VIPAS39: variants seen among roughly 807,000 people sequenced by gnomAD.
The protein encoded by VIPAS39 is spermatogenesis-defective protein 39 homolog.
In VIPAS39, 63 loss-of-function variants were observed where a neutral mutation model predicts 84.7. The observed-to-expected ratio is 0.74, with a 90% confidence interval of 0.61 to 0.92. The LOEUF is 0.92. Among genes scored for constraint, VIPAS39 ranks in the 40% least tolerant of loss-of-function variants. The pLI, the probability that VIPAS39 is intolerant of heterozygous loss-of-function variation, is 0.00. For missense variants in VIPAS39, 499 were observed against 604.5 expected (o/e 0.83, Z 1.83); for synonymous variants, 192 against 216.5 (o/e 0.89, Z 0.99).
At chr14:77,445,687 C>T (rs2078777073) in intron 7 of VIPAS39, among the ~76,000 whole-genome samples, 1 of 151,986 alleles carries the variant, frequency 6.6e-6, no homozygotes, top group South Asian at 2.1e-4. Flanking sequence ...GCATATAATC[C>T]CAGCACTTTG....
chr14:77,451,549 A>G (rs1035068860), intron 3 of VIPAS39, among the ~76,000 whole-genome samples: 2 of 152,184 alleles, frequency 1.3e-5, no homozygotes, highest in Non-Finnish European at 2.9e-5. Context: ...GCTCTTCAAC[A>G]TATGAAAAGA....
rs1236410561 is a variant in VIPAS39 at position 77,449,676 on chromosome 14, C to T, written c.382+38G>A. On this transcript the variant is annotated intron_variant, in intron 5 of 19. Coordinates refer to ENST00000557658, the MANE Select transcript of VIPAS39 (RefSeq NM_001193315.2). ...TCCCCAGACTGTACCAGATCAGTAACATTTCCCACAGCAATTAAAAGAGGG... is the reference window on the plus strand; with the variant it reads ...TCCCCAGACTGTACCAGATCAGTAATATTTCCCACAGCAATTAAAAGAGGG... 3.7e-6 allele frequency: 6 copies of T among 1,613,664 alleles called. No homozygotes were observed. The South Asian group carries it at 6.6e-5, about 18-fold the overall frequency.
In VIPAS39 at chr14:77,427,639, G is replaced by C; in HGVS notation, c.1462-3C>G. The C allele has an allele frequency of 6.2e-7, 1 of 1,614,208 alleles. No homozygotes were observed. On this transcript the variant is annotated splice_polypyrimidine_tract_variant and splice_region_variant and intron_variant, in intron 19 of 19. Transcript: ENST00000557658. The stretch of plus-strand genomic sequence containing the variant: ...ACTTAATTCTTCCATCGAATTTGCT[G>C]TGGAAAGAGGAAACAATGAAAGTGT...
At position 77,445,532 on chromosome 14, in the gene VIPAS39, C is replaced by T. The variant is rs117092756; in HGVS notation, c.505-1191G>A. Among the ~76,000 whole-genome samples the T allele has an allele frequency of 5.3e-4, 80 of 152,174 alleles. 1 individual carries two copies. In the East Asian group the frequency reaches 0.015, roughly 28 times the overall value. Reference sequence around the variant, plus strand: ...CGACTTCCTGGGCTCAAGCAATCCTCCCACCTCAAGCCTCCTGAGTAGCTG... The same window carrying T: ...CGACTTCCTGGGCTCAAGCAATCCTTCCACCTCAAGCCTCCTGAGTAGCTG... On this transcript the variant is annotated intron_variant, in intron 7 of 19. Coordinates refer to ENST00000557658, the MANE Select transcript of VIPAS39 (RefSeq NM_001193315.2).
At chr14:77,450,945 G>C (rs2078871728) in intron 4 of VIPAS39, among the ~76,000 whole-genome samples, 1 of 152,094 alleles carries the variant, frequency 6.6e-6, no homozygotes, top group Non-Finnish European at 1.5e-5. Context: ...TTTGATCTAG[G>C]CAAATTTTTT....
intron 1 of VIPAS39, chr14:77,457,221 G>C (rs2078973522): frequency 2.6e-6 from 4 of 1,523,234 alleles, no homozygotes; most frequent in East Asian, 2.4e-5. Context: ...GGAAGCCATG[G>C]ATCTACCGCA....
At chr14:77,434,712 G>A (rs1461385023) in intron 14 of VIPAS39, among the ~76,000 whole-genome samples, 1 of 151,298 alleles carries the variant, frequency 6.6e-6, no homozygotes, top group Non-Finnish European at 1.5e-5. Context: ...CCAACATGGT[G>A]AAACCCTGTC....
At chr14:77,429,625 C>A (rs1033952368) in intron 17 of VIPAS39, 56 bp downstream of exon 17, 1 of 1,572,066 alleles carries the variant, frequency 6.4e-7, no homozygotes, top group African/African-American at 1.4e-5. Context: ...CAGTAAGAGG[C>A]TTAAAGTTAG....
chr14:77,429,800 G>A, intron 16 of VIPAS39, 33 bp from the exon 17 acceptor site: 2 of 1,577,284 alleles, frequency 1.3e-6, no homozygotes, highest in East Asian at 2.2e-5. Flanking sequence ...CGGCAGGTAG[G>A]CCAGGCACAC....
At chr14:77,448,888 AAG>A (rs2078839813) in intron 6 of VIPAS39, among the ~76,000 whole-genome samples, 1 of 152,168 alleles carries the variant, frequency 6.6e-6, no homozygotes, top group Non-Finnish European at 1.5e-5. Flanking sequence ...AACAGAAGGA[AAG>A]AGAGAGATGT....
intron 7 of VIPAS39, 89 bp from the exon 8 acceptor site, chr14:77,444,430 A>G: frequency 2.5e-6 from 3 of 1,189,472 alleles, no homozygotes; most frequent in Non-Finnish European, 3.6e-6. Flanking sequence ...CAATAATGAA[A>G]CAAAATGTCC....
In VIPAS39 at chr14:77,433,868, C is replaced by A. The variant is rs200692541; in HGVS notation, c.1153G>T (p.Asp385Tyr). The change falls in exon 16 of 20, where the codon GAT becomes TAT. Residue 385 changes from aspartate to tyrosine, a missense_variant. Transcript: ENST00000557658. ...AARAKLRAWNDVDALFTTKNW... is the reference protein window; with the variant it reads ...AARAKLRAWNYVDALFTTKNW... Reference sequence around the variant, plus strand: ...TTTGTGGTGAATAGGGCATCTACATCATTCCAGGCTCGAAGCTTGGCACGA... The same window carrying A: ...TTTGTGGTGAATAGGGCATCTACATAATTCCAGGCTCGAAGCTTGGCACGA... The A allele has an allele frequency of 6.2e-7, 1 of 1,614,028 alleles. No homozygotes were observed. Among genetic ancestry groups the A allele is most frequent in the Non-Finnish European group, 8.5e-7 (1 of 1,179,960 alleles).
chr14:77,427,650 A>C lies in VIPAS39; in HGVS notation c.1462-14T>G. ...CCATCGAATTTGCTGTGGAAAGAGG[A>C]AACAATGAAAGTGTGTGATCAGTTT... On this transcript the variant is annotated splice_polypyrimidine_tract_variant and intron_variant, in intron 19 of 19. Transcript: ENST00000557658. 1 of 1,614,204 alleles carries C rather than the reference A, an allele frequency of 6.2e-7. No individual in the cohort carries two copies. The highest frequency in any genetic ancestry group is 1.1e-5 in the South Asian group (1 of 91,084).
At chr14:77,444,951 T>C (rs547135472) in intron 7 of VIPAS39, among the ~76,000 whole-genome samples, 2 of 143,826 alleles carry the variant, frequency 1.4e-5, no homozygotes, top group East Asian at 4.8e-4. Flanking sequence ...TATTTAAGTA[T>C]ATAGTTCAGT....
At chr14:77,445,354 TGTGTCTG>T (rs1461890279) in intron 7 of VIPAS39, among the ~76,000 whole-genome samples, 1 of 152,248 alleles carries the variant, frequency 6.6e-6, no homozygotes, top group Non-Finnish European at 1.5e-5. Flanking sequence ...TCTTTTGTGA[TGTGTCTG>T]GTCAACTCTT....
chr14:77,428,278 A>T, intron 19 of VIPAS39, 92 bp downstream of exon 19: 1 of 1,197,800 alleles, frequency 8.3e-7, no homozygotes, highest in South Asian at 1.3e-5. Context: ...GCCAACTGCA[A>T]TCCTTCCAGA....
intron 7 of VIPAS39, among the ~76,000 whole-genome samples, chr14:77,447,070 C>T (rs8022549): frequency 0.95 from 143,579 of 150,420 alleles, 68,866 homozygotes; most frequent in East Asian, 1. Flanking sequence ...AGATGGAGTT[C>T]CGCTCTTGTT....
intron 12 of VIPAS39, 55 bp from the exon 13 acceptor site, chr14:77,435,974 C>T (rs1594899260): frequency 6.4e-7 from 1 of 1,573,888 alleles, no homozygotes; most frequent in African/African-American, 1.3e-5. Context: ...GGAAACAAAC[C>T]CAACTAAACC....
At position 77,449,126 on chromosome 14, in the gene VIPAS39, C is replaced by A. The variant is rs1594921769; in HGVS notation, c.447+167G>T. Among the ~76,000 whole-genome samples the A allele has an allele frequency of 2.0e-5, 3 of 152,302 alleles. No individual in the cohort carries two copies. The East Asian group carries it at 5.8e-4, about 29-fold the overall frequency. Reference sequence around the variant, plus strand: ...AAGTCTAAGTTGCACCCTTTCCCAGCTCTGAGACCCCAGGTAAGCCCTCAT... The same window carrying A: ...AAGTCTAAGTTGCACCCTTTCCCAGATCTGAGACCCCAGGTAAGCCCTCAT... On this transcript the variant is annotated intron_variant, in intron 6 of 19. Coordinates refer to ENST00000557658, the MANE Select transcript of VIPAS39 (RefSeq NM_001193315.2).
Sources: gnomAD v4.1 joint callset for allele counts (sites outside exome capture counted in the v4.1 genomes callset) on GRCh38, gnomAD v4.1.1 for gene constraint, MANE v1.5 for transcripts, NCBI Gene and HGNC (gene_info 2026-07-23, HGNC 2026-07-21) for gene names.